The following THSD4 variants were observed in gnomAD, a reference collection of about 807,000 sequenced individuals.
The protein encoded by THSD4 is thrombospondin type-1 domain-containing protein 4.
In THSD4, 69 loss-of-function variants were observed where a neutral mutation model predicts 119.0. That is an observed-to-expected ratio of 0.58 (90% CI 0.48 to 0.71). THSD4 has a LOEUF of 0.71. THSD4 is among the 30% of genes least tolerant of loss of function. THSD4 has a pLI of 0.00. For synonymous variants in THSD4, 524 were observed against 540.4 expected (o/e 0.97, Z 0.42); for missense variants, 1,393 against 1,391.1 (o/e 1.00, Z -0.02).
At position 71,727,557 on chromosome 15, in the gene THSD4, T is replaced by A. The variant is rs1225242471; in HGVS notation, c.1358-992T>A. 1.4e-3 allele frequency among the ~76,000 whole-genome samples: 175 copies of A among 121,316 alleles called. 1 individual carries two copies. Among genetic ancestry groups the A allele is most frequent in the African/African-American group, 6.5e-3 (159 of 24,566 alleles). 79.6% of individuals were successfully genotyped at this position (121,316 alleles called of 152,430 possible). A position where few individuals can be genotyped will look rare whatever the true frequency, so the allele number is the denominator to read the frequency against. On this transcript the variant is annotated intron_variant, in intron 8 of 17. Coordinates refer to ENST00000261862, the MANE Select transcript of THSD4 (RefSeq NM_024817.3). ...AAAAAAAAAAAAAAAAAAAAAAATA[T>A]ATATATATATATATATATATATATA...
intron 6 of THSD4, among the ~76,000 whole-genome samples, chr15:71,398,646 G>A (rs2046483344): frequency 1.3e-5 from 2 of 152,166 alleles, no homozygotes; most frequent in Non-Finnish European, 1.5e-5. Flanking sequence ...TGAGAAAATT[G>A]GGTTGCGCTC....
intron 7 of THSD4, among the ~76,000 whole-genome samples, chr15:71,659,273 A>G (rs74353860): frequency 0.013 from 1,945 of 152,314 alleles, 42 homozygotes; most frequent in African/African-American, 0.044. Context: ...CCATCTGCTC[A>G]TGGAAAAGTG....
chr15:71,362,558 T>C (rs1365422253), intron 6 of THSD4, among the ~76,000 whole-genome samples: 1 of 152,180 alleles, frequency 6.6e-6, no homozygotes, highest in Non-Finnish European at 1.5e-5. Flanking sequence ...AAAATAAAAT[T>C]GGAAGCAAAT....
intron 8 of THSD4, among the ~76,000 whole-genome samples, chr15:71,723,880 G>A (rs528121200): frequency 6.6e-6 from 1 of 151,980 alleles, no homozygotes; most frequent in East Asian, 2.0e-4. Flanking sequence ...CCCAGCCTGG[G>A]CAACATGGTG....
Position 71,129,175 on chromosome 15 carries a change from C to T in THSD4, c.-79-12274C>T, listed in dbSNP as rs2141359859. On this transcript the variant is annotated intron_variant, in intron 1 of 17. Transcript: ENST00000261862. ...GGCTTAGCATGAGCTGGTGACGGCT[C>T]CTTTTATTCACCTTGGGCCATCAGC... Among the ~76,000 whole-genome samples, 2 of 152,282 alleles carry T rather than the reference C, an allele frequency of 1.3e-5. 1 individual carries two copies. Among genetic ancestry groups the T allele is most frequent in the South Asian group, 4.1e-4 (2 of 4,832 alleles).
At chr15:71,565,026 A>G (rs1020376123) in intron 7 of THSD4, among the ~76,000 whole-genome samples, 5 of 152,144 alleles carry the variant, frequency 3.3e-5, no homozygotes, top group African/African-American at 1.2e-4. Flanking sequence ...CCAAACTTAC[A>G]AAGAGAACAA....
intron 4 of THSD4, among the ~76,000 whole-genome samples, chr15:71,232,298 T>C (rs2044067578): frequency 1.3e-5 from 2 of 152,146 alleles, no homozygotes. Context: ...CAGTAGCCTT[T>C]ATTGACCCAT....
intron 6 of THSD4, among the ~76,000 whole-genome samples, chr15:71,371,988 T>C (rs1045414516): frequency 6.6e-6 from 1 of 152,206 alleles, no homozygotes; most frequent in Non-Finnish European, 1.5e-5. Flanking sequence ...CTTTTTACTC[T>C]TTTTTCTCTA....
At chr15:71,249,599 CAT>C (rs1219213323) in intron 5 of THSD4, among the ~76,000 whole-genome samples, 6 of 150,160 alleles carry the variant, frequency 4.0e-5, no homozygotes, top group Non-Finnish European at 7.4e-5. Flanking sequence ...TTATTGACTT[CAT>C]ATATATATAC....
intron 5 of THSD4, among the ~76,000 whole-genome samples, chr15:71,251,403 A>G (rs1178983885): frequency 6.6e-6 from 1 of 152,210 alleles, no homozygotes; most frequent in African/African-American, 2.4e-5. Context: ...AAAAATCCCC[A>G]TAAAAACCCC....
At chr15:71,554,132 C>T (rs1371750105) in intron 7 of THSD4, among the ~76,000 whole-genome samples, 2 of 148,178 alleles carry the variant, frequency 1.3e-5, no homozygotes, top group Admixed American at 6.7e-5. Flanking sequence ...CTCTGTCGCC[C>T]AGGCTGGAGT....
intron 1 of THSD4, among the ~76,000 whole-genome samples, chr15:71,123,240 T>C (rs537944656): frequency 1.3e-5 from 2 of 152,348 alleles, no homozygotes; most frequent in African/African-American, 4.8e-5. Context: ...GTGTGGGCAT[T>C]GCTATGCAGT....
chr15:71,502,193 G>C (rs753628992), intron 7 of THSD4, among the ~76,000 whole-genome samples: 1 of 152,204 alleles, frequency 6.6e-6, no homozygotes, highest in Non-Finnish European at 1.5e-5. Flanking sequence ...TTACTGAAAG[G>C]AATGGAGTGT....
At chr15:71,451,491 CTGCTGCTCCCCAAG>C (rs1487538625) in intron 7 of THSD4, among the ~76,000 whole-genome samples, 4 of 152,210 alleles carry the variant, frequency 2.6e-5, no homozygotes, top group African/African-American at 9.6e-5. Context: ...CTGCCTGCAT[CTGCTGCTCCCCAAG>C]TGCCTTCACT....
At chr15:71,475,390 T>G (rs936061766) in intron 7 of THSD4, among the ~76,000 whole-genome samples, 1 of 152,240 alleles carries the variant, frequency 6.6e-6, no homozygotes, top group Non-Finnish European at 1.5e-5. Flanking sequence ...TAAAAATGGC[T>G]TGTGGTTGTT....
At chr15:71,692,297 A>G (rs2141053563) in intron 8 of THSD4, among the ~76,000 whole-genome samples, 1 of 152,328 alleles carries the variant, frequency 6.6e-6, no homozygotes, top group South Asian at 2.1e-4. Flanking sequence ...TACATAGCTT[A>G]TGAGGTCATC....
At chr15:71,512,202 G>A (rs1272742132) in intron 7 of THSD4, among the ~76,000 whole-genome samples, 1 of 152,182 alleles carries the variant, frequency 6.6e-6, no homozygotes, top group Non-Finnish European at 1.5e-5. Flanking sequence ...ACAGGCCTGG[G>A]CAGCAACTTC....
rs80308070 is a variant in THSD4, at chr15:71,727,968, C to T, written c.1358-581C>T. Among the ~76,000 whole-genome samples the T allele has an allele frequency of 8.5e-3, 1,291 of 152,152 alleles. 22 individuals are homozygous for T. The highest frequency in any genetic ancestry group is 8.9e-3 in the Non-Finnish European group (605 of 67,994). On this transcript the variant is annotated intron_variant, in intron 8 of 17. Transcript: ENST00000261862. ...GCATATAGGGTCCATCTGAGAGGGACAGCCATCCTGGGCTCCAGCCGATTG... is the reference window on the plus strand; with the variant it reads ...GCATATAGGGTCCATCTGAGAGGGATAGCCATCCTGGGCTCCAGCCGATTG...
intron 6 of THSD4, among the ~76,000 whole-genome samples, chr15:71,355,019 CTGT>C (rs2045790219): frequency 6.6e-6 from 1 of 152,160 alleles, no homozygotes; most frequent in Admixed American, 6.5e-5. Flanking sequence ...CCAGGGAATC[CTGT>C]TGTTTTAACA....
Sources: allele counts gnomAD v4.1 joint callset (sites outside exome capture counted in the v4.1 genomes callset), GRCh38; gene constraint gnomAD v4.1.1; transcripts MANE v1.5; gene names NCBI Gene and HGNC (gene_info 2026-07-23, HGNC 2026-07-21).